Variants in NTRK3 observed in about 807,000 individuals in gnomAD.
NTRK3 encodes the protein NT-3 growth factor receptor.
Under a neutral mutation model 91.7 loss-of-function variants are expected in NTRK3, and 24 were observed. The observed-to-expected ratio is 0.26, with a 90% confidence interval of 0.19 to 0.37. The LOEUF is 0.37. Among genes scored for constraint, NTRK3 ranks in the 10% least tolerant of loss-of-function variants. The pLI, the probability that NTRK3 is intolerant of heterozygous loss-of-function variation, is 1.00. For synonymous variants in NTRK3, 483 were observed against 404.0 expected (o/e 1.20, Z -2.34); for missense variants, 880 against 1,068.9 (o/e 0.82, Z 2.46).
chr15:88,148,825 G>A (rs1029615502), intron 5 of NTRK3, among the ~76,000 whole-genome samples: 2 of 152,140 alleles, frequency 1.3e-5, no homozygotes, highest in East Asian at 1.9e-4. Flanking sequence ...AGAAGGGAGT[G>A]GAGATAATCA....
chr15:88,176,309 G>C (rs757088919), intron 5 of NTRK3, among the ~76,000 whole-genome samples: 1 of 151,950 alleles, frequency 6.6e-6, no homozygotes, highest in Non-Finnish European at 1.5e-5. Context: ...GCTAATTTTT[G>C]TATTTTTAGT....
Position 88,056,428 on chromosome 15 carries a change from T to C in NTRK3, c.1397-23383A>G, listed in dbSNP as rs1424251259. Among the ~76,000 whole-genome samples the C allele has an allele frequency of 2.0e-5, 3 of 152,208 alleles. No homozygotes were observed. In the East Asian group the frequency reaches 5.8e-4, roughly 29 times the overall value. On this transcript the variant is annotated intron_variant, in intron 13 of 18. Transcript: ENST00000394480. ...CATGGTCCAAATGTAGAAAATTAAG[T>C]ACAGTAAATATTCTACCTATGGTTA...
rs2075099914 is a variant in NTRK3 at position 87,989,341 on chromosome 15, A to C, written c.1585+43516T>G. On this transcript the variant is annotated intron_variant, in intron 14 of 18. Transcript: ENST00000394480. ...AGCAGCCATAAAAAATGATGTGTTC[A>C]TTTCCTTTGCAGGGACATGGATGAA... Among the ~76,000 whole-genome samples the C allele has an allele frequency of 2.0e-5, 3 of 152,202 alleles. No homozygotes were observed. In the South Asian group the frequency reaches 6.2e-4, roughly 32 times the overall value.
intron 15 of NTRK3, among the ~76,000 whole-genome samples, chr15:87,935,751 G>C (rs1326351932): frequency 1.3e-5 from 2 of 152,136 alleles, no homozygotes; most frequent in Non-Finnish European, 2.9e-5. Context: ...GACAGCCCTG[G>C]GATATTTCTG....
chr15:88,129,657 G>A (rs2053618593), intron 10 of NTRK3, among the ~76,000 whole-genome samples: 1 of 152,182 alleles, frequency 6.6e-6, no homozygotes, highest in South Asian at 2.1e-4. Flanking sequence ...TGCCTGGAAT[G>A]GCTTGTAATA....
At chr15:87,898,207 A>T (rs1193972608) in intron 17 of NTRK3, among the ~76,000 whole-genome samples, 1 of 152,222 alleles carries the variant, frequency 6.6e-6, no homozygotes, top group Non-Finnish European at 1.5e-5. Flanking sequence ...ATGAGACAAT[A>T]ATCCCAAATG....
chr15:87,980,080 T>C (rs1378539429), intron 14 of NTRK3, among the ~76,000 whole-genome samples: 4 of 152,210 alleles, frequency 2.6e-5, no homozygotes, highest in Admixed American at 2.6e-4. Context: ...GGCTGATCTC[T>C]GAGCCTTGCC....
intron 14 of NTRK3, among the ~76,000 whole-genome samples, chr15:88,018,576 T>C (rs2077398556): frequency 6.6e-6 from 1 of 152,204 alleles, no homozygotes; most frequent in Non-Finnish European, 1.5e-5. Context: ...CTTGATTTAA[T>C]GTAGAAAGAA....
In NTRK3 at chr15:88,243,006, T is replaced by C. The variant is rs55884356; in HGVS notation, c.248+12900A>G. ...GAAGTCCCCATAGGCCATAGGGCCC[T>C]CCCACGGAGGAGGAGGAGCTGCAGC... On this transcript the variant is annotated intron_variant, in intron 3 of 18. Coordinates refer to ENST00000394480, the Ensembl canonical transcript of NTRK3. The surrounding 1 kb of genome is among the most constrained non-coding windows in gnomAD (Gnocchi z 4.8). 8.9e-3 allele frequency among the ~76,000 whole-genome samples: 1,355 copies of C among 152,250 alleles called. 19 individuals are homozygous for C. Among genetic ancestry groups the C allele is most frequent in the African/African-American group, 0.03 (1,256 of 41,552 alleles).
At chr15:88,103,283 A>T (rs557026722) in intron 13 of NTRK3, among the ~76,000 whole-genome samples, 4 of 152,156 alleles carry the variant, frequency 2.6e-5, no homozygotes, top group Non-Finnish European at 5.9e-5. Flanking sequence ...GAAGGTCTTA[A>T]GAACAAAAAC....
chr15:88,043,506 G>T (rs1294809800), intron 13 of NTRK3, among the ~76,000 whole-genome samples: 1 of 152,214 alleles, frequency 6.6e-6, no homozygotes, highest in Non-Finnish European at 1.5e-5. Flanking sequence ...TTGAGGTCAT[G>T]CAGTGCCAGG....
chr15:88,083,268 T>C (rs1165921696), intron 13 of NTRK3, among the ~76,000 whole-genome samples: 1 of 152,168 alleles, frequency 6.6e-6, no homozygotes, highest in East Asian at 1.9e-4. Flanking sequence ...TCACCCAGGC[T>C]GGAGTGCAAC....
chr15:88,125,842 TC>T (rs1421510438), intron 13 of NTRK3, among the ~76,000 whole-genome samples: 1 of 152,034 alleles, frequency 6.6e-6, no homozygotes, highest in Non-Finnish European at 1.5e-5. Context: ...AATGCCGGAG[TC>T]TACCCTACAT....
chr15:88,110,725 T>C (rs1206585218), intron 13 of NTRK3, among the ~76,000 whole-genome samples: 1 of 152,174 alleles, frequency 6.6e-6, no homozygotes, highest in African/African-American at 2.4e-5. Flanking sequence ...GGAACAAGGC[T>C]GGCAAGAGTG....
intron 3 of NTRK3, among the ~76,000 whole-genome samples, chr15:88,211,239 G>T (rs1197876901): frequency 6.6e-6 from 1 of 152,138 alleles, no homozygotes; most frequent in Non-Finnish European, 1.5e-5. Context: ...CTGGACATTT[G>T]ATATAAATGG....
intron 11 of NTRK3, among the ~76,000 whole-genome samples, chr15:88,128,364 T>C (rs1464297973): frequency 1.3e-5 from 2 of 152,178 alleles, no homozygotes; most frequent in African/African-American, 4.8e-5. Flanking sequence ...ATATTCTCTC[T>C]GCAAGAACAA....
chr15:88,218,025 C>A (rs1216542604), intron 3 of NTRK3, among the ~76,000 whole-genome samples: 3 of 152,136 alleles, frequency 2.0e-5, no homozygotes, highest in African/African-American at 7.2e-5. Context: ...GGGTCGCTGT[C>A]TTGGACGAAC....
chr15:88,142,098 C>CTGGA lies in NTRK3; in HGVS notation c.465-4538_465-4537insTCCA, dbSNP rs1301244884. 1.2e-3 allele frequency among the ~76,000 whole-genome samples: 176 copies of CTGGA among 152,330 alleles called. 1 individual carries two copies. The highest frequency in any genetic ancestry group is 3.9e-3 in the African/African-American group (161 of 41,574). ...AGCAAATCCACAATCGTCTTTATAT[C>CTGGA]CGGACAAGAGAGGATTCAAATGGTG... On this transcript the variant is annotated intron_variant, in intron 6 of 18. Transcript: ENST00000394480.
chr15:88,138,564 C>G (rs1242193687), intron 6 of NTRK3, among the ~76,000 whole-genome samples: 1 of 152,154 alleles, frequency 6.6e-6, no homozygotes, highest in African/African-American at 2.4e-5. Context: ...TCACTCCCTC[C>G]TCCTCTTCAG....
Sources: gnomAD v4.1 joint callset for allele counts (sites outside exome capture counted in the v4.1 genomes callset) on GRCh38, gnomAD v4.1.1 for gene constraint, Gnocchi (gnomAD v3.1) non-coding constraint, MANE v1.5 for transcripts, NCBI Gene and HGNC (gene_info 2026-07-23, HGNC 2026-07-21) for gene names.